RAPGEF1: variants seen among roughly 807,000 people sequenced by gnomAD.
The protein encoded by RAPGEF1 is Rap guanine nucleotide exchange factor 1, also known as CRK SH3-binding GNRP.
RAPGEF1 carries 33 observed loss-of-function variants against 143.3 expected under a neutral mutation model. The ratio of observed to expected loss-of-function variants is 0.23; its 90% confidence interval spans 0.17 to 0.31. The LOEUF is 0.31. RAPGEF1 is among the 10% of genes least tolerant of loss of function. The pLI is 1.00. For synonymous variants in RAPGEF1, 629 were observed against 676.5 expected (o/e 0.93, Z 1.09); for missense variants, 1,199 against 1,645.4 (o/e 0.73, Z 4.69).
At chr9:131,629,021 G>A (rs1964112761) in intron 7 of RAPGEF1, 81 bp downstream of exon 7, 1 of 1,529,620 alleles carries the variant, frequency 6.5e-7, no homozygotes, top group Admixed American at 1.9e-5. Flanking sequence ...AGCGCTGAGG[G>A]GAAAGGGCCC....
intron 1 of RAPGEF1, among the ~76,000 whole-genome samples, chr9:131,732,668 ATG>A (rs1837155854): frequency 6.6e-6 from 1 of 150,544 alleles, no homozygotes; most frequent in Non-Finnish European, 1.5e-5. Flanking sequence ...GGTCCTACTA[ATG>A]TACCAAGAAA....
In RAPGEF1 at chr9:131,730,697, C is replaced by CAAAAAAAAAAAAAAAAAAAAAAAAA. The variant is rs56044744; in HGVS notation, c.61+9072_61+9073insTTTTTTTTTTTTTTTTTTTTTTTTT. On this transcript the variant is annotated intron_variant, in intron 1 of 26. Coordinates refer to ENST00000683357, the MANE Select transcript of RAPGEF1 (RefSeq NM_001377935.1). The stretch of plus-strand genomic sequence containing the variant: ...GCAACAGCAGAGTGAGACTCCATCT[C>CAAAAAAAAAAAAAAAAAAAAAAAAA]AAAAAAAAAAAAAAAAAAAAAGAAG... 1.6e-3 allele frequency among the ~76,000 whole-genome samples: 125 copies of CAAAAAAAAAAAAAAAAAAAAAAAAA among 80,356 alleles called. 4 individuals carry two copies. The highest frequency in any genetic ancestry group is 5.8e-3 in the Middle Eastern group (1 of 172). The allele number at this position is 80,356 out of a possible 152,430, so 52.7% of individuals were successfully genotyped here.
intron 1 of RAPGEF1, among the ~76,000 whole-genome samples, chr9:131,683,691 T>C (rs1833100734): frequency 6.6e-6 from 1 of 152,332 alleles, no homozygotes; most frequent in South Asian, 2.1e-4. Context: ...TTATTCTGGA[T>C]CAAAAAGTAA....
intron 1 of RAPGEF1, among the ~76,000 whole-genome samples, chr9:131,672,891 G>C (rs997778433): frequency 2.0e-5 from 3 of 152,110 alleles, no homozygotes; most frequent in African/African-American, 2.4e-5. Context: ...GCTGAATCAG[G>C]CTCTTCTGGT....
intron 1 of RAPGEF1, among the ~76,000 whole-genome samples, chr9:131,678,174 A>C (rs1423799492): frequency 2.0e-5 from 3 of 152,240 alleles, no homozygotes; most frequent in African/African-American, 7.2e-5. Flanking sequence ...AAAAGCAAAC[A>C]GAGTCAGAAG....
chr9:131,691,866 T>G (rs973694778), intron 1 of RAPGEF1, among the ~76,000 whole-genome samples: 3 of 152,182 alleles, frequency 2.0e-5, no homozygotes, highest in African/African-American at 7.2e-5. Context: ...ATTTCTCAGA[T>G]TAAAAAAAAC....
At chr9:131,649,198 A>G (rs1409771782) in intron 3 of RAPGEF1, among the ~76,000 whole-genome samples, 3 of 116,752 alleles carry the variant, frequency 2.6e-5, no homozygotes, top group African/African-American at 3.5e-5. Context: ...ATGCCTGGCT[A>G]AATTTTTTTT....
chr9:131,679,546 A>C (rs957174862), intron 1 of RAPGEF1, among the ~76,000 whole-genome samples: 3 of 152,298 alleles, frequency 2.0e-5, no homozygotes, highest in African/African-American at 7.2e-5. Context: ...TAAGTCCTGA[A>C]ATGTTTCGTA....
intron 1 of RAPGEF1, chr9:131,709,963 T>C (rs541147112): frequency 8.1e-6 from 8 of 984,936 alleles, no homozygotes; most frequent in African/African-American, 1.7e-5. Context: ...TAAGAAGCTC[T>C]TTCCTCAGCA....
In RAPGEF1 at chr9:131,635,401, T is replaced by C. The variant is rs372314579; in HGVS notation, c.651+3234A>G. On this transcript the variant is annotated intron_variant, in intron 5 of 26. Coordinates refer to ENST00000683357, the MANE Select transcript of RAPGEF1 (RefSeq NM_001377935.1). Reference sequence around the variant, plus strand: ...CAAAGTAATCCTGTTTTACAACCCATGTTCAATCATTTGAAAAAAAAAAAA... The same window carrying C: ...CAAAGTAATCCTGTTTTACAACCCACGTTCAATCATTTGAAAAAAAAAAAA... Among the ~76,000 whole-genome samples, 11 of 151,466 alleles carry C rather than the reference T, an allele frequency of 7.3e-5. No homozygotes were observed. In the East Asian group the frequency reaches 1.9e-3, roughly 27 times the overall value.
chr9:131,732,042 C>T (rs773632646), intron 1 of RAPGEF1, among the ~76,000 whole-genome samples: 9 of 152,156 alleles, frequency 5.9e-5, no homozygotes, highest in Non-Finnish European at 1.3e-4. Context: ...TGAACCTCCC[C>T]CCCTGTACCT....
chr9:131,696,299 A>G (rs1834172344), intron 1 of RAPGEF1, among the ~76,000 whole-genome samples: 1 of 152,208 alleles, frequency 6.6e-6, no homozygotes, highest in Non-Finnish European at 1.5e-5. Context: ...GACATACCAC[A>G]GTCTGCTCAT....
At chr9:131,683,421 A>T (rs144212527) in intron 1 of RAPGEF1, among the ~76,000 whole-genome samples, 7,560 of 152,314 alleles carry the variant, frequency 0.05, 547 homozygotes, top group African/African-American at 0.16. Context: ...AAATCAGGTA[A>T]ATGGAGAATG....
At position 131,582,611 on chromosome 9, in the gene RAPGEF1, G is replaced by T; in HGVS notation, c.3506C>A (p.Pro1169Gln). 1 of 1,525,720 alleles carries T rather than the reference G, an allele frequency of 6.6e-7. No individual in the cohort carries two copies. The allele number at this position is 1,525,720 out of a possible 1,614,324, so 94.5% of individuals were successfully genotyped here. The change falls in exon 25 of 27, where the codon CCG becomes CAG. Residue 1169 changes from proline to glutamine, a missense_variant. Physicochemically the swap from Pro to Gln is moderately conservative, Grantham distance 76. Around this residue, in one of 6 missense-constraint regions of RAPGEF1, gnomAD observed 209 missense variants for 403.0 expected, o/e 0.52. Transcript: ENST00000683357. ...TGGAGGGGCTGCTACTCACAGGTAC[G>T]GGATGCACGGCGGTTCCACCTCCGA... ...ALSEVEPPCI[P>Q]YLGLILQDLT... is the part of the protein sequence containing the mutation.
At chr9:131,688,465 C>T (rs1436244151) in intron 1 of RAPGEF1, among the ~76,000 whole-genome samples, 1 of 152,230 alleles carries the variant, frequency 6.6e-6, no homozygotes, top group African/African-American at 2.4e-5. Flanking sequence ...TCACTTTATA[C>T]TGCTAAATAA....
intron 12 of RAPGEF1, among the ~76,000 whole-genome samples, chr9:131,614,348 C>T (rs1376822541): frequency 6.6e-6 from 1 of 152,232 alleles, no homozygotes; most frequent in Non-Finnish European, 1.5e-5. Flanking sequence ...TGCCGAGAGC[C>T]CCATGGACTG....
In RAPGEF1 at chr9:131,674,856, C is replaced by T. The variant is rs563607752; in HGVS notation, c.62-23907G>A. Among the ~76,000 whole-genome samples the T allele has an allele frequency of 3.3e-5, 5 of 152,204 alleles. No individual in the cohort carries two copies. In the South Asian group the frequency reaches 8.3e-4, roughly 25 times the overall value. ...CGCGGGGAGGGCAGACCTGAAGCAT[C>T]GCTACCGAGGTCAGGGGACAAGTGC... On this transcript the variant is annotated intron_variant, in intron 1 of 26. Coordinates refer to ENST00000683357, the MANE Select transcript of RAPGEF1 (RefSeq NM_001377935.1).
At chr9:131,625,798 G>A in intron 10 of RAPGEF1, 124 bp downstream of exon 10, 2 of 1,306,422 alleles carry the variant, frequency 1.5e-6, no homozygotes, top group Non-Finnish European at 2.1e-6. Flanking sequence ...CACATACCTG[G>A]CTGGCCTATC....
intron 20 of RAPGEF1, among the ~76,000 whole-genome samples, chr9:131,588,459 G>A (rs77420024): frequency 0.096 from 14,599 of 152,242 alleles, 777 homozygotes; most frequent in Middle Eastern, 0.24. Flanking sequence ...ACTCACCGTC[G>A]GTGTCGAGGG....
Sources: allele counts gnomAD v4.1 joint callset (sites outside exome capture counted in the v4.1 genomes callset), GRCh38; gene constraint gnomAD v4.1.1; regional missense constraint gnomAD v4.1.1; transcripts MANE v1.5; gene names NCBI Gene and HGNC (gene_info 2026-07-23, HGNC 2026-07-21).